The following SYTL2 variants were observed in gnomAD, a reference collection of about 807,000 sequenced individuals.
SYTL2 encodes synaptotagmin-like protein 2.
In SYTL2, 165 loss-of-function variants were observed where a neutral mutation model predicts 198.7. The observed-to-expected ratio is 0.83, with a 90% CI of 0.73 to 0.94. SYTL2 has a LOEUF of 0.94. Ranked by LOEUF, SYTL2 falls within the 40% of genes least tolerant of loss-of-function variation. The pLI, the probability that SYTL2 is intolerant of heterozygous loss-of-function variation, is 0.00. For synonymous variants in SYTL2, 966 were observed against 917.7 expected (o/e 1.05, Z -0.95); for missense variants, 2,835 against 2,582.8 (o/e 1.10, Z -2.12).
At chr11:85,837,566 C>A in the SYTL2 span, among the ~76,000 whole-genome samples, 1 of 152,136 alleles carries the variant, frequency 6.6e-6, no homozygotes, top group Admixed American at 6.6e-5. Context: ...CGAATACATC[C>A]TTTTTAAGTC....
At chr11:85,801,289 T>G (rs2092883165) in intron 1 of SYTL2, among the ~76,000 whole-genome samples, 2 of 152,146 alleles carry the variant, frequency 1.3e-5, no homozygotes, top group Non-Finnish European at 2.9e-5. Context: ...GCCTTAAACT[T>G]TTTTTTTCTG....
At chr11:85,796,769 ACTT>A (rs1481992115) in intron 1 of SYTL2, among the ~76,000 whole-genome samples, 3 of 152,256 alleles carry the variant, frequency 2.0e-5, no homozygotes, top group African/African-American at 7.2e-5. Flanking sequence ...ATTTGCCTCA[ACTT>A]CTTTTCATTC....
At chr11:85,743,420 T>A (rs2090942223) in intron 4 of SYTL2, among the ~76,000 whole-genome samples, 1 of 152,226 alleles carries the variant, frequency 6.6e-6, no homozygotes, top group East Asian at 1.9e-4. Flanking sequence ...CCTAACATCT[T>A]TATTCTTGCC....
At chr11:85,778,491 C>T (rs1243477009) in intron 1 of SYTL2, among the ~76,000 whole-genome samples, 1 of 152,218 alleles carries the variant, frequency 6.6e-6, no homozygotes, top group African/African-American at 2.4e-5. Context: ...AGAAGCAGAG[C>T]TCCCAAGTTA....
At chr11:85,733,372 T>C (rs967881205) in intron 7 of SYTL2, among the ~76,000 whole-genome samples, 2 of 152,152 alleles carry the variant, frequency 1.3e-5, no homozygotes, top group African/African-American at 2.4e-5. Context: ...ATAGTTGATA[T>C]GGTTATATAT....
chr11:85,823,787 A>G, the SYTL2 span, among the ~76,000 whole-genome samples: 5 of 152,216 alleles, frequency 3.3e-5, no homozygotes, highest in Non-Finnish European at 5.9e-5. Flanking sequence ...TTAAGATTTT[A>G]CTCCGGGTTA....
chr11:85,852,485 C>T, the SYTL2 span: 21,935 of 157,334 alleles, frequency 0.14, 1,892 homozygotes, highest in Middle Eastern at 0.19. Flanking sequence ...CTGATTCTCC[C>T]GCCTCAGCCT....
At chr11:85,825,457 T>C in the SYTL2 span, among the ~76,000 whole-genome samples, 1 of 151,202 alleles carries the variant, frequency 6.6e-6, no homozygotes, top group African/African-American at 2.4e-5. Flanking sequence ...GGCTAGTTCC[T>C]AGAAGCTATT....
intron 14 of SYTL2, among the ~76,000 whole-genome samples, chr11:85,708,709 T>C (rs999761501): frequency 1.2e-4 from 19 of 152,134 alleles, no homozygotes; most frequent in Admixed American, 9.2e-4. Flanking sequence ...ATTTTGCTTC[T>C]ATCTGAATTC....
chr11:85,845,496 C>T, the SYTL2 span, among the ~76,000 whole-genome samples: 1 of 152,168 alleles, frequency 6.6e-6, no homozygotes, highest in Non-Finnish European at 1.5e-5. Context: ...GGTGCAGTGG[C>T]TCATGCCTGT....
chr11:85,707,481 T>C lies in SYTL2; in HGVS notation c.5966A>G (p.Lys1989Arg), dbSNP rs1228655162. Residue 1989 changes from lysine (K) to arginine (R), a missense_variant, in exon 15 of 20, where the codon AAA (lysine) becomes AGA (arginine). This residue lies in a region of SYTL2 where 2,645 missense variants were observed against 2,381.7 expected (regional missense o/e 1.11). Coordinates refer to ENST00000359152, the MANE Select transcript of SYTL2 (RefSeq NM_206927.4). The stretch of plus-strand genomic sequence containing the variant: ...CAAGGTTTTCTTCACTACGAGTGTT[T>C]TCTTCTTGCCCATTTTGCCTTTGTC... ...LPDKGKMGKK[K>R]TLVVKKTLNP... is the part of the protein sequence containing the mutation. 1 of 1,614,014 alleles carries C rather than the reference T, an allele frequency of 6.2e-7. No homozygotes were observed. The highest frequency in any genetic ancestry group is 8.5e-7 in the Non-Finnish European group (1 of 1,179,996).
At chr11:85,797,418 A>G (rs1354771106) in intron 1 of SYTL2, among the ~76,000 whole-genome samples, 3 of 152,236 alleles carry the variant, frequency 2.0e-5, no homozygotes, top group Admixed American at 2.0e-4. Context: ...CCTTGAGGTC[A>G]GGAATTCGAG....
chr11:85,780,366 T>TAA (rs2092538623), intron 1 of SYTL2, among the ~76,000 whole-genome samples: 1 of 152,218 alleles, frequency 6.6e-6, no homozygotes, highest in South Asian at 2.1e-4. Context: ...GCTAAGGTGA[T>TAA]AACTGGTGGC....
chr11:85,737,089 C>A (rs1369515656), intron 5 of SYTL2, among the ~76,000 whole-genome samples: 2 of 152,118 alleles, frequency 1.3e-5, no homozygotes, highest in African/African-American at 4.8e-5. Context: ...GCTTCATAGT[C>A]ATTATTATTA....
intron 3 of SYTL2, among the ~76,000 whole-genome samples, chr11:85,747,983 C>G (rs1344019061): frequency 6.6e-6 from 1 of 152,080 alleles, no homozygotes; most frequent in East Asian, 1.9e-4. Flanking sequence ...GAGTTAAAAG[C>G]CAAAGAAGAG....
chr11:85,851,302 A>G, the SYTL2 span, among the ~76,000 whole-genome samples: 1 of 152,252 alleles, frequency 6.6e-6, no homozygotes, highest in African/African-American at 2.4e-5. Flanking sequence ...TCTATTTCTC[A>G]AAAGTAACTG....
chr11:85,775,682 T>A (rs2092440395), intron 1 of SYTL2, among the ~76,000 whole-genome samples: 1 of 152,166 alleles, frequency 6.6e-6, no homozygotes, highest in African/African-American at 2.4e-5. Flanking sequence ...GGTTTCACCA[T>A]GTTGACCAGG....
At chr11:85,729,239 C>T (rs2089558320) in intron 7 of SYTL2, among the ~76,000 whole-genome samples, 2 of 152,146 alleles carry the variant, frequency 1.3e-5, no homozygotes, top group African/African-American at 4.8e-5. Context: ...ACCAAGTGGA[C>T]CTAAAAGACA....
rs1464631681 is a variant in SYTL2, at chr11:85,796,919, G to C, written c.-390+14035C>G. Among the ~76,000 whole-genome samples the C allele has an allele frequency of 3.9e-5, 6 of 152,170 alleles. No individual in the cohort carries two copies. In the East Asian group the frequency reaches 1.2e-3, roughly 29 times the overall value. On this transcript the variant is annotated intron_variant, in intron 1 of 19. Transcript: ENST00000359152. ...GTTTAAAATCAAAAGGATTGAATTT[G>C]GGCTCACGCCTGCAATCCCAGCACC...
Sources: allele counts gnomAD v4.1 joint callset (sites outside exome capture counted in the v4.1 genomes callset), GRCh38; gene constraint gnomAD v4.1.1; regional missense constraint gnomAD v4.1.1; transcripts MANE v1.5; gene names NCBI Gene and HGNC (gene_info 2026-07-23, HGNC 2026-07-21).